Variants in ZMYND11 observed in about 807,000 individuals in gnomAD.
ZMYND11 encodes zinc finger MYND domain-containing protein 11.
ZMYND11 carries 9 observed loss-of-function variants against 84.9 expected under a neutral mutation model. The observed-to-expected ratio is 0.11, with a 90% CI of 0.06 to 0.18. ZMYND11 has a LOEUF of 0.18. ZMYND11 is among the 10% of genes least tolerant of loss of function. ZMYND11 has a pLI of 1.00. For missense variants in ZMYND11, 409 were observed against 761.0 expected, an observed-to-expected ratio of 0.54 and a Z score of 5.44; for synonymous variants, 250 against 244.1, an observed-to-expected ratio of 1.02 and a Z score of -0.23.
chr10:246,849 A>C lies in ZMYND11; in HGVS notation c.1034A>C (p.Lys345Thr). ...LHVKRSMGWK[K>T]ACDELELHQR... ...GTGAAGCGCAGTATGGGTTGGAAAA[A>C]GGCCTGTGATGAGCTGGAGCTGCAT... Residue 345 changes from lysine (K) to threonine (T), a missense_variant, in exon 11 of 15, where the codon AAG (lysine) becomes ACG (threonine). This residue lies in a region of ZMYND11 where 48 missense variants were observed against 61.1 expected (regional missense o/e 0.79). Transcript: ENST00000381604. 1 of 1,614,144 alleles carries C rather than the reference A, an allele frequency of 6.2e-7. No homozygotes were observed. The highest frequency in any genetic ancestry group is 8.5e-7 in the Non-Finnish European group (1 of 1,180,026).
chr10:219,512 T>C (rs1037798434), intron 3 of ZMYND11, among the ~76,000 whole-genome samples: 9 of 152,196 alleles, frequency 5.9e-5, no homozygotes, highest in African/African-American at 2.2e-4. Context: ...AGATATCTTA[T>C]TTCCACCAAA....
At chr10:139,737 G>A (rs1837049971) in intron 1 of ZMYND11, among the ~76,000 whole-genome samples, 1 of 137,106 alleles carries the variant, frequency 7.3e-6, no homozygotes, top group African/African-American at 2.7e-5. Context: ...TTGGAGATAG[G>A]GTCTTGCTCT....
intron 2 of ZMYND11, among the ~76,000 whole-genome samples, chr10:182,305 T>G (rs1025320457): frequency 3.3e-5 from 5 of 152,236 alleles, no homozygotes; most frequent in African/African-American, 1.2e-4. Flanking sequence ...GACATGGAGA[T>G]TAACAGGATT....
Position 253,540 on chromosome 10 carries a change from G to A in ZMYND11, c.*1070G>A, listed in dbSNP as rs1475260782. The A allele has an allele frequency of 6.6e-6, 1 of 152,582 alleles. No homozygotes were observed. The highest frequency in any genetic ancestry group is 2.4e-5 in the African/African-American group (1 of 41,432). 9.5% of individuals were successfully genotyped at this position (152,582 alleles called of 1,614,324 possible). On this transcript the variant is annotated 3_prime_UTR_variant, in exon 15 of 15. Coordinates refer to ENST00000381604, the MANE Select transcript of ZMYND11 (RefSeq NM_001370100.5). ...AGATGCCGTGATTTGTAAAAAGTCT[G>A]TATTTTGCGGAATGTCTGGATTAAG...
intron 3 of ZMYND11, among the ~76,000 whole-genome samples, chr10:212,354 A>G (rs1000829430): frequency 6.6e-6 from 1 of 152,128 alleles, no homozygotes; most frequent in Non-Finnish European, 1.5e-5. Context: ...AACATATAGT[A>G]TACAGGTTTA....
chr10:152,182 A>G (rs1308464530), intron 1 of ZMYND11, among the ~76,000 whole-genome samples: 1 of 152,232 alleles, frequency 6.6e-6, no homozygotes, highest in Non-Finnish European at 1.5e-5. Context: ...ACCAGCTAAC[A>G]TCATAATGAC....
intron 1 of ZMYND11, among the ~76,000 whole-genome samples, chr10:169,539 A>G (rs1844792092): frequency 6.6e-6 from 1 of 152,218 alleles, no homozygotes; most frequent in African/African-American, 2.4e-5. Flanking sequence ...AAGAGTTTTA[A>G]TGCCAAAACA....
intron 6 of ZMYND11, among the ~76,000 whole-genome samples, chr10:238,363 C>T (rs1020632411): frequency 6.8e-6 from 1 of 147,196 alleles, no homozygotes; most frequent in Non-Finnish European, 1.5e-5. Flanking sequence ...AGTTTCTTTT[C>T]TTTTTTTTTT....
At chr10:248,725 A>G in intron 13 of ZMYND11, 117 bp downstream of exon 13, 1 of 1,405,412 alleles carries the variant, frequency 7.1e-7, no homozygotes, top group Non-Finnish European at 9.4e-7. Context: ...ATATAATGAC[A>G]CCAGTATCTT....
At chr10:178,438 CAT>C (rs1224818695) in intron 1 of ZMYND11, among the ~76,000 whole-genome samples, 1 of 152,146 alleles carries the variant, frequency 6.6e-6, no homozygotes, top group African/African-American at 2.4e-5. Flanking sequence ...CACTTTCTGA[CAT>C]ATGTTAAATC....
rs1939704055 is a variant in ZMYND11, at chr10:189,398, G to A, written c.116+9270G>A. Among the ~76,000 whole-genome samples the A allele has an allele frequency of 2.0e-5, 3 of 152,164 alleles. No individual in the cohort carries two copies. The South Asian group carries it at 6.2e-4, about 32-fold the overall frequency. ...ATTGGAGAGGAAGAGAATAGCCATT[G>A]CCTAAGTTACTTCTTTGGAAATAAG... On this transcript the variant is annotated intron_variant, in intron 2 of 14. Coordinates refer to ENST00000381604, the MANE Select transcript of ZMYND11 (RefSeq NM_001370100.5).
chr10:240,150 C>G (rs1157591565), intron 8 of ZMYND11, 39 bp downstream of exon 8: 2 of 1,469,148 alleles, frequency 1.4e-6, no homozygotes, highest in Non-Finnish European at 1.9e-6. Context: ...CTTTCTATAA[C>G]TGAAATTAAT....
chr10:172,224 C>T (rs1046926516), intron 1 of ZMYND11, among the ~76,000 whole-genome samples: 4 of 151,878 alleles, frequency 2.6e-5, no homozygotes, highest in South Asian at 2.1e-4. Context: ...TTTGGAGAAA[C>T]GAAAACATTC....
At chr10:144,786 G>A (rs1270582663) in intron 1 of ZMYND11, among the ~76,000 whole-genome samples, 1 of 149,038 alleles carries the variant, frequency 6.7e-6, no homozygotes, top group Admixed American at 6.7e-5. Flanking sequence ...GGTACAAGTG[G>A]TTTTTGGTTA....
intron 1 of ZMYND11, among the ~76,000 whole-genome samples, chr10:177,384 C>T (rs919990568): frequency 1.8e-4 from 27 of 152,060 alleles, no homozygotes; most frequent in Non-Finnish European, 3.1e-4. Context: ...TATAGTGTAC[C>T]TGTATTACAA....
intron 2 of ZMYND11, among the ~76,000 whole-genome samples, chr10:181,161 T>C (rs1847813261): frequency 6.6e-6 from 1 of 152,246 alleles, no homozygotes; most frequent in Non-Finnish European, 1.5e-5. Flanking sequence ...AGAAAATTTC[T>C]TGATACTTTT....
intron 1 of ZMYND11, among the ~76,000 whole-genome samples, chr10:150,449 A>G (rs533783336): frequency 1.6e-4 from 25 of 152,330 alleles, no homozygotes; most frequent in African/African-American, 5.3e-4. Context: ...CTGTGGGATC[A>G]GTGGTGATAT....
intron 10 of ZMYND11, among the ~76,000 whole-genome samples, chr10:245,116 G>C (rs1351284614): frequency 6.6e-6 from 1 of 152,176 alleles, no homozygotes; most frequent in Non-Finnish European, 1.5e-5. Context: ...ATGATTTCAT[G>C]TGTACTCTGC....
rs1421415222 is a variant in ZMYND11 at position 253,554 on chromosome 10, GTC to G, written c.*1086_*1087del. On this transcript the variant is annotated 3_prime_UTR_variant, in exon 15 of 15. Transcript: ENST00000381604. ...GTAAAAAGTCTGTATTTTGCGGAAT[GTC>G]TGGATTAAGAAGCATTACCAATAGG... 3 of 152,630 alleles carry G rather than the reference GTC, an allele frequency of 2.0e-5. No homozygotes were observed. Among genetic ancestry groups the G allele is most frequent in the Non-Finnish European group, 4.4e-5 (3 of 68,030 alleles). The allele number at this position is 152,630 out of a possible 1,614,324, so 9.5% of individuals were successfully genotyped here.
Sources: allele counts gnomAD v4.1 joint callset (sites outside exome capture counted in the v4.1 genomes callset), GRCh38; gene constraint gnomAD v4.1.1; regional missense constraint gnomAD v4.1.1; transcripts MANE v1.5; gene names NCBI Gene and HGNC (gene_info 2026-07-23, HGNC 2026-07-21).